The following MYH11 variants were observed in gnomAD, a reference collection of about 807,000 sequenced individuals.
The protein encoded by MYH11 is myosin-11.
Under a neutral mutation model 246.6 loss-of-function variants are expected in MYH11, and 80 were observed. The observed-to-expected ratio is 0.32, with a 90% CI of 0.27 to 0.39. The LOEUF (loss-of-function observed/expected upper bound fraction) is 0.39, where lower values mean the gene tolerates loss of function less well. Among genes scored for constraint, MYH11 ranks in the 10% least tolerant of loss-of-function variants. MYH11 has a pLI of 1.00. For synonymous variants in MYH11, 1,071 were observed against 1,015.5 expected, an observed-to-expected ratio of 1.05 and a Z score of -1.04; for missense variants, 2,158 against 2,546.8, an observed-to-expected ratio of 0.85 and a Z score of 3.29.
At chr16:15,807,718 C>A (rs2151333215) in intron 3 of MYH11, among the ~76,000 whole-genome samples, 1 of 152,242 alleles carries the variant, frequency 6.6e-6, no homozygotes, top group South Asian at 2.1e-4. Flanking sequence ...CACACCCCAT[C>A]CTTAAACATG....
At chr16:15,709,085 G>A (rs1166451233) in intron 40 of MYH11, among the ~76,000 whole-genome samples, 2 of 151,854 alleles carry the variant, frequency 1.3e-5, no homozygotes, top group Non-Finnish European at 2.9e-5. Context: ...TGGGATTACA[G>A]GCAGGCCCCA....
rs201912226 is a variant in MYH11, at chr16:15,757,980, C to T, written c.1422G>A (p.Leu474=). The part of the protein sequence containing the change: ...EIFEVNSFEQ[L]CINYTNEKLQ... Reference sequence around the variant, plus strand: ...GCTTCTCGTTGGTGTAGTTGATGCACAGCTGCTCGAAGGAGTTCACCTGAG... The same window carrying T: ...GCTTCTCGTTGGTGTAGTTGATGCATAGCTGCTCGAAGGAGTTCACCTGAG... Residue 474 remains leucine (L), a synonymous_variant, in exon 13 of 41, where the codon CTG becomes CTA. Coordinates refer to ENST00000300036, the MANE Select transcript of MYH11 (RefSeq NM_002474.3). The T allele has an allele frequency of 1.2e-6, 2 of 1,614,082 alleles. No homozygotes were observed. Among genetic ancestry groups the T allele is most frequent in the Non-Finnish European group, 1.7e-6 (2 of 1,180,042 alleles).
intron 27 of MYH11, among the ~76,000 whole-genome samples, chr16:15,731,264 C>G (rs1329259150): frequency 6.6e-6 from 1 of 152,190 alleles, no homozygotes; most frequent in Non-Finnish European, 1.5e-5. Context: ...ATCCTATAGG[C>G]CTTCAGTCCT....
chr16:15,855,858 C>G, intron 1 of MYH11, among the ~76,000 whole-genome samples: 1 of 152,084 alleles, frequency 6.6e-6, no homozygotes, highest in East Asian at 1.9e-4. Flanking sequence ...TTTGCCAAAC[C>G]CCGGACGGAC....
chr16:15,787,706 C>A (rs1460286444), intron 4 of MYH11, among the ~76,000 whole-genome samples: 1 of 151,892 alleles, frequency 6.6e-6, no homozygotes, highest in African/African-American at 2.4e-5. Context: ...ATCTCCTGAC[C>A]TCGTGATCCG....
At chr16:15,839,074 G>T (rs2043983410) in intron 1 of MYH11, among the ~76,000 whole-genome samples, 2 of 151,954 alleles carry the variant, frequency 1.3e-5, no homozygotes, top group African/African-American at 4.8e-5. Flanking sequence ...GCCAGGCATG[G>T]TAGCGCACAC....
At chr16:15,721,686 A>G in intron 31 of MYH11, 52 bp from the exon 32 acceptor site, 4 of 1,589,680 alleles carry the variant, frequency 2.5e-6, no homozygotes, top group Non-Finnish European at 3.5e-6. Context: ...GGTCAGCGTC[A>G]CTGAATTGTA....
intron 33 of MYH11, 67 bp downstream of exon 33, chr16:15,720,772 G>T: frequency 6.7e-7 from 1 of 1,493,130 alleles, no homozygotes; most frequent in Non-Finnish European, 9.3e-7. Flanking sequence ...CACCAACCAT[G>T]AGAGTGGTGA....
chr16:15,774,503 G>A (rs2042175343), intron 8 of MYH11, among the ~76,000 whole-genome samples: 1 of 152,134 alleles, frequency 6.6e-6, no homozygotes, highest in African/African-American at 2.4e-5. Context: ...ATGTTTGCTG[G>A]TACATAAAAA....
intron 40 of MYH11, among the ~76,000 whole-genome samples, chr16:15,706,567 C>A (rs942119346): frequency 6.6e-6 from 1 of 152,028 alleles, no homozygotes; most frequent in Non-Finnish European, 1.5e-5. Context: ...ATTAGCCGTG[C>A]GTGGTGGCAG....
intron 3 of MYH11, among the ~76,000 whole-genome samples, chr16:15,813,303 C>T (rs1329971536): frequency 6.6e-6 from 1 of 151,922 alleles, no homozygotes; most frequent in African/African-American, 2.4e-5. Context: ...GAGTTACAAT[C>T]GCACCATTAC....
intron 14 of MYH11, among the ~76,000 whole-genome samples, chr16:15,754,353 A>T (rs568851471): frequency 5.9e-5 from 9 of 152,358 alleles, no homozygotes; most frequent in Admixed American, 3.3e-4. Context: ...TTCCTGACTC[A>T]AACAATGACA....
chr16:15,717,144 C>T lies in MYH11; in HGVS notation c.5500G>A (p.Ala1834Thr), dbSNP rs759734157. ...AQLEEQVEQE[A>T]REKQAATKSL... ...CGGAACTCCACACCCGCATACCTGG[C>T]CTCCTGCTCGACCTGCTCCTCCAGC... Residue 1834 changes from alanine (A) to threonine (T), a missense_variant, in exon 38 of 41, where the codon GCC (alanine) becomes ACC (threonine). Ala to Thr is a moderately conservative substitution (Grantham distance 58, BLOSUM62 0). Coordinates refer to ENST00000300036, the MANE Select transcript of MYH11 (RefSeq NM_002474.3). 17 of 1,614,096 alleles carry T rather than the reference C, an allele frequency of 1.1e-5. No individual in the cohort carries two copies. In the Admixed American group the frequency reaches 2.2e-4, roughly 21 times the overall value.
intron 2 of MYH11, among the ~76,000 whole-genome samples, chr16:15,829,742 C>T (rs996240374): frequency 1.3e-5 from 2 of 152,186 alleles, no homozygotes; most frequent in African/African-American, 4.8e-5. Flanking sequence ...TTTATATGGT[C>T]AGCCACAGAG....
At chr16:15,745,830 A>G (rs958831414) in intron 19 of MYH11, among the ~76,000 whole-genome samples, 2 of 151,478 alleles carry the variant, frequency 1.3e-5, no homozygotes, top group East Asian at 3.9e-4. Flanking sequence ...CAGGTGATCC[A>G]CCCACCTTGG....
At chr16:15,746,173 G>T (rs545783782) in intron 19 of MYH11, among the ~76,000 whole-genome samples, 2 of 150,500 alleles carry the variant, frequency 1.3e-5, no homozygotes, top group South Asian at 4.2e-4. Flanking sequence ...CAATCCTCCT[G>T]CCTCGGCCTC....
chr16:15,849,707 C>A (rs1433002927), intron 1 of MYH11, among the ~76,000 whole-genome samples: 2 of 152,146 alleles, frequency 1.3e-5, no homozygotes, highest in Non-Finnish European at 2.9e-5. Context: ...CTGCCTCAGC[C>A]TCCCAAAGTG....
chr16:15,737,372 C>T (rs2041148926), intron 25 of MYH11, 77 bp downstream of exon 25: 2 of 1,588,076 alleles, frequency 1.3e-6, no homozygotes, highest in Non-Finnish European at 1.7e-6. Context: ...CCAAGACAGC[C>T]ACTGCGAATG....
intron 3 of MYH11, among the ~76,000 whole-genome samples, chr16:15,821,354 A>T (rs1200173850): frequency 6.6e-6 from 1 of 152,224 alleles, no homozygotes; most frequent in Non-Finnish European, 1.5e-5. Context: ...GTGTAATGAA[A>T]GGTCACGTAA....
Sources: allele counts gnomAD v4.1 joint callset (sites outside exome capture counted in the v4.1 genomes callset), GRCh38; gene constraint gnomAD v4.1.1; transcripts MANE v1.5; gene names NCBI Gene and HGNC (gene_info 2026-07-23, HGNC 2026-07-21).